HSD17B12: variants seen among roughly 807,000 people sequenced by gnomAD.
HSD17B12 encodes the protein hydroxysteroid 17-beta dehydrogenase 12, also known as very-long-chain 3-oxoacyl-CoA reductase.
Under a neutral mutation model 39.3 loss-of-function variants are expected in HSD17B12, and 32 were observed. The ratio of observed to expected loss-of-function variants is 0.81; its 90% CI spans 0.61 to 1.09. The LOEUF (loss-of-function observed/expected upper bound fraction) is 1.09. HSD17B12 is among the 50% of genes least tolerant of loss of function. HSD17B12 has a pLI of 0.00. For synonymous variants in HSD17B12, 150 were observed against 146.7 expected (o/e 1.02, Z -0.16); for missense variants, 342 against 382.9 (o/e 0.89, Z 0.89).
the HSD17B12 span, among the ~76,000 whole-genome samples, chr11:43,634,129 T>C: frequency 1.9e-4 from 21 of 110,328 alleles, no homozygotes; most frequent in Middle Eastern, 0.029. Flanking sequence ...ATGTATAAGA[T>C]ACCTTAAGAT....
the HSD17B12 span, among the ~76,000 whole-genome samples, chr11:43,652,085 A>C: frequency 6.6e-6 from 1 of 152,214 alleles, no homozygotes; most frequent in South Asian, 2.1e-4. Context: ...GACTCAAAGC[A>C]ATCCCAATCA....
At chr11:43,654,324 A>C in the HSD17B12 span, among the ~76,000 whole-genome samples, 3 of 151,824 alleles carry the variant, frequency 2.0e-5, no homozygotes, top group East Asian at 3.9e-4. Context: ...GGTTGCAAAA[A>C]TTTTCTCCCA....
At chr11:43,740,816 T>G (rs1417202036) in intron 1 of HSD17B12, among the ~76,000 whole-genome samples, 1 of 152,324 alleles carries the variant, frequency 6.6e-6, no homozygotes, top group East Asian at 1.9e-4. Context: ...TATAAGTCCT[T>G]ATTCCAGGCC....
intron 1 of HSD17B12, among the ~76,000 whole-genome samples, chr11:43,696,837 A>G (rs1030532452): frequency 2.0e-5 from 3 of 152,232 alleles, no homozygotes; most frequent in Admixed American, 1.3e-4. Context: ...CAACCAAAAA[A>G]GGAATGAGAT....
Position 43,754,066 on chromosome 11 carries a change from G to C in HSD17B12, c.228G>C (p.Lys76Asn). Reference sequence around the variant, plus strand: ...TTCAGTTAGCAAAGCATGGAATGAAGGTTGTCCTTATCAGCAGATCAAAGG... The same window carrying C: ...TTCAGTTAGCAAAGCATGGAATGAACGTTGTCCTTATCAGCAGATCAAAGG... ...YAEELAKHGM[K>N]VVLISRSKDK... The change falls in exon 3 of 11, where the codon AAG becomes AAC. Residue 76 changes from lysine (K) to asparagine (N), a missense_variant. Lys to Asn is a moderately conservative substitution (Grantham distance 94, BLOSUM62 0). Transcript: ENST00000278353. 6.2e-7 allele frequency: 1 copy of C among 1,612,218 alleles called. No homozygotes were observed. The highest frequency in any genetic ancestry group is 8.5e-7 in the Non-Finnish European group (1 of 1,178,778).
chr11:43,623,662 G>T, the HSD17B12 span, among the ~76,000 whole-genome samples: 21 of 151,842 alleles, frequency 1.4e-4, no homozygotes, highest in Admixed American at 1.4e-3. Context: ...GGGGTAAAAC[G>T]CTTTTATTTG....
intron 3 of HSD17B12, among the ~76,000 whole-genome samples, chr11:43,766,224 T>C (rs901898569): frequency 1.3e-5 from 2 of 152,056 alleles, no homozygotes; most frequent in African/African-American, 4.8e-5. Context: ...TACGAGTTCC[T>C]CAATTAGTAG....
chr11:43,822,106 C>T (rs1464010226), intron 6 of HSD17B12, among the ~76,000 whole-genome samples: 1 of 152,182 alleles, frequency 6.6e-6, no homozygotes, highest in East Asian at 1.9e-4. Flanking sequence ...TCCAGGCCAC[C>T]ATTCTGACAA....
the HSD17B12 span, among the ~76,000 whole-genome samples, chr11:43,642,601 A>C: frequency 3.2e-4 from 48 of 151,886 alleles, no homozygotes; most frequent in African/African-American, 1.1e-3. Flanking sequence ...ACATCAAGAG[A>C]ATAATATATA....
chr11:43,662,329 A>T, the HSD17B12 span, among the ~76,000 whole-genome samples: 2 of 148,750 alleles, frequency 1.3e-5, no homozygotes, highest in South Asian at 4.3e-4. Flanking sequence ...CTCCCCAGTA[A>T]CTGGGACTAC....
intron 6 of HSD17B12, among the ~76,000 whole-genome samples, chr11:43,816,992 CTA>C (rs1951130146): frequency 2.7e-5 from 1 of 37,596 alleles, no homozygotes; most frequent in African/African-American, 7.7e-5. Context: ...ATATCTATAT[CTA>C]TATCTATATC....
chr11:43,834,465 T>C (rs1388380846), intron 7 of HSD17B12, among the ~76,000 whole-genome samples: 1 of 152,072 alleles, frequency 6.6e-6, no homozygotes, highest in African/African-American at 2.4e-5. Context: ...CGGTTCCTCA[T>C]AGCAGCAGGT....
chr11:43,805,303 G>T (rs1951007622), intron 4 of HSD17B12, among the ~76,000 whole-genome samples: 1 of 152,202 alleles, frequency 6.6e-6, no homozygotes, highest in Non-Finnish European at 1.5e-5. Context: ...ATTGGAACTA[G>T]TATATTCAGT....
the HSD17B12 span, among the ~76,000 whole-genome samples, chr11:43,565,466 A>G: frequency 2.0e-5 from 3 of 152,204 alleles, no homozygotes; most frequent in Non-Finnish European, 4.4e-5. Context: ...CCAGTGAGTC[A>G]ACACTGACCC....
rs573694129 is a variant in HSD17B12, at chr11:43,766,667, G to A, written c.283+12546G>A. ...AATTCTTTTGTATTTCGTTGTACCA[G>A]GCCTAGCATGGTTTAATGGGTGTGG... On this transcript the variant is annotated intron_variant, in intron 3 of 10. Transcript: ENST00000278353. Among the ~76,000 whole-genome samples, 116 of 152,288 alleles carry A rather than the reference G, an allele frequency of 7.6e-4. 2 individuals carry two copies. In the Middle Eastern group the frequency reaches 0.01, roughly 13 times the overall value.
intron 1 of HSD17B12, among the ~76,000 whole-genome samples, chr11:43,705,761 C>CTTTTTTT (rs56979348): frequency 4.8e-5 from 3 of 62,450 alleles, no homozygotes; most frequent in African/African-American, 2.1e-4. Context: ...CCTCTCTCCT[C>CTTTTTTT]TTTTTTTTTT....
intron 3 of HSD17B12, among the ~76,000 whole-genome samples, chr11:43,790,733 T>C (rs1950859897): frequency 6.6e-6 from 1 of 152,240 alleles, no homozygotes; most frequent in African/African-American, 2.4e-5. Flanking sequence ...GGCTTACGCC[T>C]GTAATCCCAG....
chr11:43,829,415 G>A (rs1285912606), intron 6 of HSD17B12, among the ~76,000 whole-genome samples: 1 of 152,126 alleles, frequency 6.6e-6, no homozygotes, highest in Non-Finnish European at 1.5e-5. Flanking sequence ...TGTAAGTATG[G>A]TTTTATGTTA....
chr11:43,706,721 T>TGTGTGTGTG (rs368772116), intron 1 of HSD17B12, among the ~76,000 whole-genome samples: 4 of 139,114 alleles, frequency 2.9e-5, no homozygotes, highest in African/African-American at 8.1e-5. Flanking sequence ...TGTGTGTGTG[T>TGTGTGTGTG]TGTGGGGGGT....
Sources: gnomAD v4.1 joint callset for allele counts (sites outside exome capture counted in the v4.1 genomes callset) on GRCh38, gnomAD v4.1.1 for gene constraint, MANE v1.5 for transcripts, NCBI Gene and HGNC (gene_info 2026-07-23, HGNC 2026-07-21) for gene names.